DNAJC27: variants seen among roughly 807,000 people sequenced by gnomAD.
DNAJC27 encodes the protein DnaJ heat shock protein family (Hsp40) member C27, also known as dnaJ homolog subfamily C member 27.
In DNAJC27, 25 loss-of-function variants were observed where a neutral mutation model predicts 31.4. The observed-to-expected ratio is 0.80, with a 90% CI of 0.58 to 1.11. The LOEUF (loss-of-function observed/expected upper bound fraction) is 1.11. DNAJC27 is among the 50% of genes most tolerant of loss of function. The probability of loss-of-function intolerance (pLI) is 0.00; values close to 1 mark genes in which losing one functional copy is unlikely to be tolerated. For missense variants in DNAJC27, 356 were observed against 347.3 expected, an observed-to-expected ratio of 1.02 and a Z score of -0.20; for synonymous variants, 106 against 112.7, an observed-to-expected ratio of 0.94 and a Z score of 0.37.
At position 24,951,545 on chromosome 2, in the gene DNAJC27, T is replaced by C. The variant is rs151115206; in HGVS notation, c.538A>G (p.Ile180Val). The C allele has an allele frequency of 2.0e-5, 33 of 1,610,928 alleles. No individual in the cohort carries two copies. The African/African-American group carries it at 4.0e-4, about 20-fold the overall frequency. Residue 180 changes from isoleucine (I) to valine (V), a missense_variant, in exon 6 of 7, where the codon ATA becomes GTA. Coordinates refer to ENST00000264711, the MANE Select transcript of DNAJC27 (RefSeq NM_016544.3). ...TTTTCACATAAATCAACTATGGATA[T>C]ATAAAAGGTCTACAAGAAGAAAACA... ...GINEMFQTFY[I>V]SIVDLCENGG... is the part of the protein sequence containing the mutation.
In DNAJC27 at chr2:24,947,642, T is replaced by TC; in HGVS notation, c.795dup (p.Thr266AspfsTer31). ...TACTTGATGTTTTTCAGGAGGGCTG[T>TC]CCGAGCATTCACAACTGCTTTGAAG... is the stretch of plus-strand genomic sequence containing the variant. On this transcript the variant is annotated frameshift_variant, in exon 7 of 7. Coordinates refer to ENST00000264711, the MANE Select transcript of DNAJC27 (RefSeq NM_016544.3). LOFTEE classifies it high-confidence loss of function. 1 of 1,609,332 alleles carries TC rather than the reference T, an allele frequency of 6.2e-7. No homozygotes were observed. The highest frequency in any genetic ancestry group is 8.5e-7 in the Non-Finnish European group (1 of 1,176,252).
At chr2:24,956,580 T>G (rs961026031) in intron 5 of DNAJC27, among the ~76,000 whole-genome samples, 1 of 152,246 alleles carries the variant, frequency 6.6e-6, no homozygotes, top group African/African-American at 2.4e-5. Flanking sequence ...GCCACAGTAA[T>G]GCTTCTATCT....
intron 5 of DNAJC27, among the ~76,000 whole-genome samples, chr2:24,952,357 T>G (rs945280106): frequency 2.0e-5 from 3 of 152,178 alleles, no homozygotes; most frequent in African/African-American, 7.2e-5. Context: ...TAAACACATC[T>G]TAGCACCTTG....
rs559347534 is a variant in DNAJC27 at position 24,956,332 on chromosome 2, A to G, written c.528+711T>C. 2.6e-5 allele frequency among the ~76,000 whole-genome samples: 4 copies of G among 152,332 alleles called. No homozygotes were observed. The South Asian group carries it at 6.2e-4, about 24-fold the overall frequency. ...GTATCTATAATTAAGGGCTGACTTT[A>G]TAAGTTATTGTTTTAAATAGCCTAT... On this transcript the variant is annotated intron_variant, in intron 5 of 6. Coordinates refer to ENST00000264711, the MANE Select transcript of DNAJC27 (RefSeq NM_016544.3).
chr2:24,958,372 A>G (rs965165922), intron 3 of DNAJC27, among the ~76,000 whole-genome samples: 16 of 152,264 alleles, frequency 1.1e-4, no homozygotes, highest in African/African-American at 3.1e-4. Flanking sequence ...CAATGGGTAC[A>G]GCCATTTATA....
Position 24,944,538 on chromosome 2 carries a change from TACTAGAG to T in DNAJC27, c.*3071_*3077del. On this transcript the variant is annotated 3_prime_UTR_variant, in exon 7 of 7. Coordinates refer to ENST00000264711, the MANE Select transcript of DNAJC27 (RefSeq NM_016544.3). ...GTTGAGAATTCAATATATGAGAACA[TACTAGAG>T]TAAGTTTCCTGAGGTAAAAGTATGC... The T allele has an allele frequency of 6.5e-6, 1 of 152,690 alleles. No individual in the cohort carries two copies. The highest frequency in any genetic ancestry group is 2.1e-4 in the South Asian group (1 of 4,826). The allele number at this position is 152,690 out of a possible 1,614,324, so 9.5% of individuals were successfully genotyped here. A position where few individuals can be genotyped will look rare whatever the true frequency, so the allele number is the denominator to read the frequency against.
intron 6 of DNAJC27, among the ~76,000 whole-genome samples, chr2:24,947,978 T>C (rs1317382914): frequency 1.3e-5 from 2 of 152,130 alleles, no homozygotes; most frequent in Non-Finnish European, 1.5e-5. Context: ...AGTATATAAA[T>C]GCTAACAAAA....
intron 3 of DNAJC27, among the ~76,000 whole-genome samples, chr2:24,961,624 A>T (rs1038120640): frequency 1.3e-5 from 2 of 152,130 alleles, no homozygotes; most frequent in African/African-American, 4.8e-5. Context: ...AGAGTTTGGA[A>T]GTTGATTCCA....
chr2:24,958,021 A>C, intron 3 of DNAJC27, 47 bp from the exon 4 acceptor site: 5 of 1,560,234 alleles, frequency 3.2e-6, no homozygotes, highest in Non-Finnish European at 4.4e-6. Context: ...TTGTGATGTT[A>C]TAAGAATGTA....
intron 1 of DNAJC27, 40 bp downstream of exon 1, chr2:24,971,778 G>A (rs746132681): frequency 1.3e-6 from 2 of 1,551,434 alleles, no homozygotes; most frequent in African/African-American, 2.8e-5. Context: ...ACGTCGCCCC[G>A]CCACGCTGGG....
Position 24,947,867 on chromosome 2 carries a change from C to T in DNAJC27, c.690-119G>A. 4 of 1,176,314 alleles carry T rather than the reference C, an allele frequency of 3.4e-6. No homozygotes were observed. The South Asian group carries it at 7.0e-5, about 21-fold the overall frequency. 72.9% of individuals were successfully genotyped at this position (1,176,314 alleles called of 1,614,324 possible). A position where few individuals can be genotyped will look rare whatever the true frequency, so the allele number is the denominator to read the frequency against. ...AACATATCCTAAATTATTACCCTTT[C>T]TCAAAGGCAGGATTAAAGGACTAGA... is the stretch of plus-strand genomic sequence containing the variant. On this transcript the variant is annotated intron_variant, in intron 6 of 6. Coordinates refer to ENST00000264711, the MANE Select transcript of DNAJC27 (RefSeq NM_016544.3).
intron 5 of DNAJC27, among the ~76,000 whole-genome samples, chr2:24,955,033 C>A (rs746796358): frequency 7.9e-5 from 12 of 152,184 alleles, no homozygotes; most frequent in Non-Finnish European, 1.6e-4. Flanking sequence ...CAATCAAAAA[C>A]CACTACTCAT....
intron 4 of DNAJC27, 138 bp downstream of exon 4, chr2:24,957,672 C>T: frequency 4.7e-6 from 4 of 845,500 alleles, no homozygotes; most frequent in African/African-American, 1.7e-5. Context: ...TTGTTTTTGT[C>T]TTAGGGACAT....
intron 3 of DNAJC27, 21 bp downstream of exon 3, chr2:24,963,384 T>G (rs1666096501): frequency 7.5e-6 from 12 of 1,603,126 alleles, no homozygotes; most frequent in Non-Finnish European, 1.0e-5. Context: ...GATATAGGTT[T>G]TGTCAAAAAG....
intron 5 of DNAJC27, among the ~76,000 whole-genome samples, chr2:24,954,806 G>A (rs942206535): frequency 3.3e-5 from 5 of 152,102 alleles, no homozygotes; most frequent in East Asian, 3.9e-4. Flanking sequence ...GCATGGTGGC[G>A]GGCACCTGTA....
At position 24,968,265 on chromosome 2, in the gene DNAJC27, C is replaced by A. The variant is rs186834465; in HGVS notation, c.88-972G>T. 1.8e-3 allele frequency among the ~76,000 whole-genome samples: 272 copies of A among 152,210 alleles called. 1 individual carries two copies. Among genetic ancestry groups the A allele is most frequent in the African/African-American group, 6.0e-3 (248 of 41,538 alleles). On this transcript the variant is annotated intron_variant, in intron 1 of 6. Transcript: ENST00000264711. ...GTCTGTGATATGCAAATATTCCCTC[C>A]ATTTCATTGCTTGCTAGTTACTTTG...
At chr2:24,971,594 G>A (rs748617513) in intron 1 of DNAJC27, 88 of 469,570 alleles carry the variant, frequency 1.9e-4, no homozygotes, top group Non-Finnish European at 2.6e-4. Context: ...GGCCACCCCA[G>A]ACACCATCTC....
chr2:24,964,282 C>T (rs1353228207), intron 2 of DNAJC27, among the ~76,000 whole-genome samples: 2 of 151,780 alleles, frequency 1.3e-5, no homozygotes, highest in Non-Finnish European at 2.9e-5. Flanking sequence ...ATTAGCCGGG[C>T]GTGGTGGTGG....
In DNAJC27 at chr2:24,945,483, T is replaced by C. The variant is rs1447395296; in HGVS notation, c.*2133A>G. The C allele has an allele frequency of 1.3e-5, 2 of 152,206 alleles. No homozygotes were observed. Among genetic ancestry groups the C allele is most frequent in the Admixed American group, 1.3e-4 (2 of 15,280 alleles). 9.4% of individuals were successfully genotyped at this position (152,206 alleles called of 1,614,324 possible). On this transcript the variant is annotated 3_prime_UTR_variant, in exon 7 of 7. Transcript: ENST00000264711. ...TGATGAAAACTGGCACCAGCTTTCATAGAGGGCCACACATTCAGAGTTGTC... is the reference window on the plus strand; with the variant it reads ...TGATGAAAACTGGCACCAGCTTTCACAGAGGGCCACACATTCAGAGTTGTC...
Sources: gnomAD v4.1 joint callset for allele counts (sites outside exome capture counted in the v4.1 genomes callset) on GRCh38, gnomAD v4.1.1 for gene constraint, MANE v1.5 for transcripts, NCBI Gene and HGNC (gene_info 2026-07-23, HGNC 2026-07-21) for gene names.